FNDC3B: variants seen among roughly 807,000 people sequenced by gnomAD.
FNDC3B encodes the protein fibronectin type III domain containing 3B.
FNDC3B carries 12 observed loss-of-function variants against 151.5 expected under a neutral mutation model. The ratio of observed to expected loss-of-function variants is 0.08; its 90% CI spans 0.05 to 0.13. FNDC3B has a LOEUF of 0.13. FNDC3B is among the 10% of genes least tolerant of loss of function. The pLI, the probability that FNDC3B is intolerant of heterozygous loss-of-function variation, is 1.00. For missense variants in FNDC3B, 1,214 were observed against 1,505.3 expected (o/e 0.81, Z 3.20); for synonymous variants, 528 against 549.0 (o/e 0.96, Z 0.54).
At chr3:172,087,890 G>T (rs1005151563) in intron 1 of FNDC3B, among the ~76,000 whole-genome samples, 2 of 152,176 alleles carry the variant, frequency 1.3e-5, no homozygotes, top group Non-Finnish European at 2.9e-5. Context: ...CAAATAATTG[G>T]AGATCTCTAA....
At chr3:172,379,987 A>G (rs1410385255) in intron 24 of FNDC3B, among the ~76,000 whole-genome samples, 6 of 152,102 alleles carry the variant, frequency 3.9e-5, no homozygotes, top group Non-Finnish European at 8.8e-5. Flanking sequence ...AGGACAGTTT[A>G]ATCTGATAGG....
At chr3:172,390,024 C>A (rs1324073471) in intron 25 of FNDC3B, among the ~76,000 whole-genome samples, 3 of 152,108 alleles carry the variant, frequency 2.0e-5, no homozygotes, top group African/African-American at 7.2e-5. Context: ...TTGTTAGTTT[C>A]TCTTTATAAA....
In FNDC3B at chr3:172,399,680, T is replaced by G. The variant is rs1260712589; in HGVS notation, c.*2205T>G. On this transcript the variant is annotated 3_prime_UTR_variant, in exon 26 of 26. Coordinates refer to ENST00000415807, the MANE Select transcript of FNDC3B (RefSeq NM_022763.4). ...ACCCACTATGACCACAGCATCTGCA[T>G]TTTCTAAAAAATTCCATGCAGGTGT... 6.5e-6 allele frequency: 1 copy of G among 152,672 alleles called. No individual in the cohort carries two copies. Among genetic ancestry groups the G allele is most frequent in the Non-Finnish European group, 1.5e-5 (1 of 68,040 alleles). 9.5% of individuals were successfully genotyped at this position (152,672 alleles called of 1,614,324 possible). A position where few individuals can be genotyped will look rare whatever the true frequency, so the allele number is the denominator to read the frequency against.
intron 2 of FNDC3B, among the ~76,000 whole-genome samples, chr3:172,123,263 T>C (rs937907371): frequency 5.3e-5 from 8 of 152,204 alleles, no homozygotes; most frequent in African/African-American, 1.9e-4. Flanking sequence ...GGTCTCAAAC[T>C]CCTGGTTTCA....
rs575367804 is a variant in FNDC3B, at chr3:172,399,571, C to T, written c.*2096C>T. 2 of 152,726 alleles carry T rather than the reference C, an allele frequency of 1.3e-5. No homozygotes were observed. Among genetic ancestry groups the T allele is most frequent in the African/African-American group, 4.8e-5 (2 of 41,560 alleles). The allele number at this position is 152,726 out of a possible 1,614,324, so 9.5% of individuals were successfully genotyped here. On this transcript the variant is annotated 3_prime_UTR_variant, in exon 26 of 26. Transcript: ENST00000415807. ...ATAATAATTAGTTTAATTAGCTTTGCAAACTGATGGCATCAAGGTAAATAT... is the reference window on the plus strand; with the variant it reads ...ATAATAATTAGTTTAATTAGCTTTGTAAACTGATGGCATCAAGGTAAATAT...
At chr3:172,343,700 T>C (rs1733456953) in intron 18 of FNDC3B, among the ~76,000 whole-genome samples, 4 of 152,248 alleles carry the variant, frequency 2.6e-5, no homozygotes, top group Non-Finnish European at 5.9e-5. Flanking sequence ...GTCTAAAGTA[T>C]AATAAATTGT....
intron 3 of FNDC3B, among the ~76,000 whole-genome samples, chr3:172,199,898 T>C (rs916002863): frequency 1.3e-5 from 2 of 152,234 alleles, no homozygotes; most frequent in Admixed American, 1.3e-4. Context: ...ACCACACAGT[T>C]TACAAACAAA....
intron 22 of FNDC3B, among the ~76,000 whole-genome samples, chr3:172,353,974 A>AAT (rs35262857): frequency 6.6e-6 from 1 of 151,444 alleles, no homozygotes. Context: ...AAAAAAAAAA[A>AAT]CTTTAGATAG....
intron 25 of FNDC3B, among the ~76,000 whole-genome samples, chr3:172,390,249 A>G (rs952347194): frequency 1.3e-5 from 2 of 152,262 alleles, no homozygotes; most frequent in Non-Finnish European, 2.9e-5. Flanking sequence ...AGCTGTTCCA[A>G]TTAAAATAAC....
intron 3 of FNDC3B, among the ~76,000 whole-genome samples, chr3:172,216,706 T>A (rs368155045): frequency 1.3e-5 from 2 of 152,112 alleles, no homozygotes; most frequent in African/African-American, 4.8e-5. Context: ...GATAAGGTAA[T>A]CCTGAATGTT....
At chr3:172,154,641 T>C (rs1722394247) in intron 3 of FNDC3B, among the ~76,000 whole-genome samples, 1 of 152,130 alleles carries the variant, frequency 6.6e-6, no homozygotes. Context: ...TTTCTTTTAG[T>C]AGTGGCCCTG....
At chr3:172,156,538 G>A (rs965303338) in intron 3 of FNDC3B, among the ~76,000 whole-genome samples, 7 of 152,234 alleles carry the variant, frequency 4.6e-5, no homozygotes, top group African/African-American at 1.7e-4. Flanking sequence ...AGGAATTTCC[G>A]TTGCGTTGCA....
chr3:172,151,602 G>A (rs1722225910), intron 3 of FNDC3B, among the ~76,000 whole-genome samples: 1 of 152,070 alleles, frequency 6.6e-6, no homozygotes, highest in African/African-American at 2.4e-5. Flanking sequence ...TTGAGATTTG[G>A]TAGTTTTAAT....
intron 1 of FNDC3B, among the ~76,000 whole-genome samples, chr3:172,105,885 T>C (rs892963539): frequency 2.8e-5 from 4 of 144,488 alleles, no homozygotes; most frequent in African/African-American, 1.0e-4. Flanking sequence ...TTTTACTGTG[T>C]CTGTGACAAT....
At chr3:172,109,127 G>A (rs1354455600) in intron 1 of FNDC3B, among the ~76,000 whole-genome samples, 1 of 151,104 alleles carries the variant, frequency 6.6e-6, no homozygotes, top group African/African-American at 2.4e-5. Flanking sequence ...TTTATCTCTG[G>A]TGAAACTGTT....
At chr3:172,271,383 T>C (rs1168804015) in intron 6 of FNDC3B, among the ~76,000 whole-genome samples, 5 of 152,222 alleles carry the variant, frequency 3.3e-5, no homozygotes, top group Admixed American at 3.3e-4. Flanking sequence ...TTTGGGAATT[T>C]TTTTAGATAC....
chr3:172,129,164 G>T (rs773383102), intron 2 of FNDC3B, among the ~76,000 whole-genome samples: 22 of 152,124 alleles, frequency 1.4e-4, no homozygotes, highest in Non-Finnish European at 2.8e-4. Context: ...TAGATATGGA[G>T]TCTCACTATG....
intron 3 of FNDC3B, among the ~76,000 whole-genome samples, chr3:172,150,550 G>T (rs1476323348): frequency 6.6e-6 from 1 of 151,466 alleles, no homozygotes; most frequent in Non-Finnish European, 1.5e-5. Flanking sequence ...TGGTTTTTTA[G>T]GATTATTTGG....
At chr3:172,180,799 T>C (rs1723850601) in intron 3 of FNDC3B, among the ~76,000 whole-genome samples, 1 of 152,182 alleles carries the variant, frequency 6.6e-6, no homozygotes, top group South Asian at 2.1e-4. Context: ...TGCCTGGATT[T>C]GTGGAACCAG....
Sources: allele counts gnomAD v4.1 joint callset (sites outside exome capture counted in the v4.1 genomes callset), GRCh38; gene constraint gnomAD v4.1.1; transcripts MANE v1.5; gene names NCBI Gene and HGNC (gene_info 2026-07-23, HGNC 2026-07-21).